TFRC: variants seen among roughly 807,000 people sequenced by gnomAD.
TFRC encodes transferrin receptor protein 1.
In TFRC, 35 loss-of-function variants were observed where a neutral mutation model predicts 85.8. The observed-to-expected ratio is 0.41, with a 90% CI of 0.31 to 0.54. The LOEUF (loss-of-function observed/expected upper bound fraction) is 0.54, where lower values mean the gene tolerates loss of function less well. Ranked by LOEUF, TFRC falls within the 20% of genes least tolerant of loss-of-function variation. TFRC has a pLI of 0.31. For synonymous variants in TFRC, 362 were observed against 328.6 expected (o/e 1.10, Z -1.10); for missense variants, 828 against 921.5 (o/e 0.90, Z 1.31).
At chr3:196,081,339 C>G (rs41300409) in intron 1 of TFRC, among the ~76,000 whole-genome samples, 1 of 152,224 alleles carries the variant, frequency 6.6e-6, no homozygotes, top group Non-Finnish European at 1.5e-5. Context: ...CAGAGCATGG[C>G]AAGATCAGGT....
intron 5 of TFRC, 104 bp downstream of exon 5, chr3:196,071,899 A>G: frequency 7.6e-7 from 1 of 1,310,536 alleles, no homozygotes; most frequent in Non-Finnish European, 1.0e-6. Flanking sequence ...GCGAGACTCC[A>G]TTTCAAAAAA....
At chr3:196,053,222 C>T (rs1034915817) in intron 18 of TFRC, among the ~76,000 whole-genome samples, 196 bp downstream of exon 18, 3 of 152,188 alleles carry the variant, frequency 2.0e-5, no homozygotes, top group African/African-American at 7.2e-5. Flanking sequence ...AGTTTTACAG[C>T]AAGTCTCTTC....
At chr3:196,066,154 T>C (rs1317351314) in intron 9 of TFRC, among the ~76,000 whole-genome samples, 2 of 152,174 alleles carry the variant, frequency 1.3e-5, no homozygotes, top group African/African-American at 2.4e-5. Flanking sequence ...CTGCCAGACA[T>C]ACTTACGTAG....
chr3:196,055,458 G>A (rs1716702347), intron 16 of TFRC, 157 bp from the exon 17 acceptor site: 16 of 639,094 alleles, frequency 2.5e-5, no homozygotes, highest in Non-Finnish European at 4.4e-5. Context: ...ATTATCTGCT[G>A]CTTTAAGTAC....
chr3:196,060,035 G>T, intron 14 of TFRC, 145 bp downstream of exon 14: 1 of 617,630 alleles, frequency 1.6e-6, no homozygotes, highest in South Asian at 2.0e-5. Context: ...CAATAGGCAA[G>T]TATCCCTTAA....
chr3:196,074,408 A>C (rs1040663044), intron 3 of TFRC: 1 of 251,416 alleles, frequency 4.0e-6, no homozygotes, highest in East Asian at 7.5e-5. Context: ...TGTCCTGCGG[A>C]TATTTTCTAG....
At chr3:196,059,499 G>C (rs1488847986) in intron 14 of TFRC, among the ~76,000 whole-genome samples, 1 of 152,034 alleles carries the variant, frequency 6.6e-6, no homozygotes, top group African/African-American at 2.4e-5. Flanking sequence ...ATAATCCCTA[G>C]TATCTCTTGG....
intron 1 of TFRC, 126 bp from the exon 2 acceptor site, chr3:196,077,248 T>C (rs1718782968): frequency 3.2e-6 from 2 of 622,770 alleles, no homozygotes; most frequent in Admixed American, 6.0e-5. Context: ...GAAAAGGTAT[T>C]TAACCATAGT....
chr3:196,078,277 C>T (rs1006237476), intron 1 of TFRC, among the ~76,000 whole-genome samples: 1 of 152,014 alleles, frequency 6.6e-6, no homozygotes, highest in African/African-American at 2.4e-5. Flanking sequence ...TACGAGTACA[C>T]TTAGGGCATA....
chr3:196,058,866 C>T (rs1189062352), intron 14 of TFRC: 1 of 284,988 alleles, frequency 3.5e-6, no homozygotes, highest in Non-Finnish European at 6.6e-6. Context: ...TCTTAATTAA[C>T]ATTTTAAAAG....
intron 2 of TFRC, 87 bp downstream of exon 2, chr3:196,076,977 G>GTTA: frequency 8.1e-7 from 1 of 1,227,660 alleles, no homozygotes; most frequent in Non-Finnish European, 1.2e-6. Flanking sequence ...ATAGATTGGG[G>GTTA]TTATTATTTC....
At position 196,065,421 on chromosome 3, in the gene TFRC, G is replaced by GGGC; in HGVS notation, c.1198+21_1198+22insGCC. On this transcript the variant is annotated intron_variant, in intron 10 of 18. Transcript: ENST00000360110. ...GAAAACAAAAAAAAAGCGGGGCGGG[G>GGGC]GGGGGGGGGGGCGGTCTTTACCTGG... The GGGC allele has an allele frequency of 2.3e-5, 5 of 219,752 alleles. 1 individual carries two copies. Among genetic ancestry groups the GGGC allele is most frequent in the Non-Finnish European group, 3.1e-5 (5 of 159,626 alleles). 13.6% of individuals were successfully genotyped at this position (219,752 alleles called of 1,614,324 possible). A position where few individuals can be genotyped will look rare whatever the true frequency, so the allele number is the denominator to read the frequency against.
intron 2 of TFRC, among the ~76,000 whole-genome samples, chr3:196,076,783 C>T (rs532816454): frequency 6.6e-6 from 1 of 152,228 alleles, no homozygotes; most frequent in African/African-American, 2.4e-5. Context: ...ACTTCTCCTA[C>T]TAAAACATTT....
At chr3:196,080,647 G>A (rs946205500) in intron 1 of TFRC, among the ~76,000 whole-genome samples, 2 of 152,226 alleles carry the variant, frequency 1.3e-5, no homozygotes, top group African/African-American at 4.8e-5. Flanking sequence ...GCCTTAGGGC[G>A]GAGTTAGCCA....
intron 15 of TFRC, 67 bp downstream of exon 15, chr3:196,058,507 C>T (rs1401867754): frequency 6.6e-7 from 1 of 1,516,930 alleles, no homozygotes; most frequent in Non-Finnish European, 9.1e-7. Context: ...GATTTAGATT[C>T]TACCTAATGT....
chr3:196,057,844 C>T (rs981954973), intron 16 of TFRC: 1 of 150,730 alleles, frequency 6.6e-6, no homozygotes, highest in African/African-American at 2.4e-5. Flanking sequence ...AAGATATGTG[C>T]AAGTTGTCAA....
Position 196,065,435 on chromosome 3 carries a change from G to GGGGGGTTTT in TFRC, c.1198+7_1198+8insAAAACCCCC. The GGGGGGTTTT allele has an allele frequency of 1.5e-6, 1 of 655,716 alleles. No individual in the cohort carries two copies. The highest frequency in any genetic ancestry group is 2.2e-6 in the Non-Finnish European group (1 of 463,140). The allele number at this position is 655,716 out of a possible 1,614,324, so 40.6% of individuals were successfully genotyped here. ...AGCGGGGCGGGGGGGGGGGGGGGCG[G>GGGGGGTTTT]TCTTTACCTGGTTCTACAAAGCCTT... On this transcript the variant is annotated splice_region_variant and intron_variant, in intron 10 of 18. Transcript: ENST00000360110.
Position 196,065,422 on chromosome 3 carries a change from G to T in TFRC, c.1198+21C>A, listed in dbSNP as rs765789154. 51 of 501,608 alleles carry T rather than the reference G, an allele frequency of 1.0e-4. 4 individuals are homozygous for T. Among genetic ancestry groups the T allele is most frequent in the Non-Finnish European group, 1.4e-4 (51 of 373,446 alleles). The allele number at this position is 501,608 out of a possible 1,614,324, so 31.1% of individuals were successfully genotyped here. A position where few individuals can be genotyped will look rare whatever the true frequency, so the allele number is the denominator to read the frequency against. ...AAAACAAAAAAAAAGCGGGGCGGGGGGGGGGGGGGGCGGTCTTTACCTGGT... is the reference window on the plus strand; with the variant it reads ...AAAACAAAAAAAAAGCGGGGCGGGGTGGGGGGGGGGCGGTCTTTACCTGGT... On this transcript the variant is annotated intron_variant, in intron 10 of 18. Transcript: ENST00000360110.
Position 196,055,066 on chromosome 3 carries a change from G to C in TFRC, c.1899+14C>G. On this transcript the variant is annotated intron_variant, in intron 17 of 18. Coordinates refer to ENST00000360110, the MANE Select transcript of TFRC (RefSeq NM_001128148.3). ...ATTCAGCAAAATAAAAACGTAATTG[G>C]AATCAGTGCTCACCTTTATGTCTGC... 1.9e-6 allele frequency: 3 copies of C among 1,610,950 alleles called. No homozygotes were observed. Among genetic ancestry groups the C allele is most frequent in the Non-Finnish European group, 2.5e-6 (3 of 1,177,728 alleles).
Sources: gnomAD v4.1 joint callset for allele counts (sites outside exome capture counted in the v4.1 genomes callset) on GRCh38, gnomAD v4.1.1 for gene constraint, MANE v1.5 for transcripts, NCBI Gene and HGNC (gene_info 2026-07-23, HGNC 2026-07-21) for gene names.